Variants in MAGI2 observed in about 807,000 individuals in gnomAD.
MAGI2 encodes the protein membrane associated guanylate kinase, WW and PDZ domain containing 2.
A neutral mutation model predicts 133.3 loss-of-function variants in MAGI2; 35 were observed. The ratio of observed to expected loss-of-function variants is 0.26; its 90% confidence interval spans 0.20 to 0.35. The LOEUF (loss-of-function observed/expected upper bound fraction) is 0.35, where lower values mean the gene tolerates loss of function less well. Ranked by LOEUF, MAGI2 falls within the 10% of genes least tolerant of loss-of-function variation. The probability of loss-of-function intolerance (pLI) is 1.00; values close to 1 mark genes in which losing one functional copy is unlikely to be tolerated. For missense variants in MAGI2, 1,636 were observed against 1,863.4 expected (o/e 0.88, Z 2.25); for synonymous variants, 729 against 710.6 (o/e 1.03, Z -0.41).
At chr7:78,922,497 C>A (rs1799339545) in intron 2 of MAGI2, among the ~76,000 whole-genome samples, 1 of 151,770 alleles carries the variant, frequency 6.6e-6, no homozygotes, top group Non-Finnish European at 1.5e-5. Context: ...CCAATTTCAT[C>A]CATGTCCCTA....
At chr7:79,107,791 T>C (rs1163844141) in intron 1 of MAGI2, among the ~76,000 whole-genome samples, 1 of 152,192 alleles carries the variant, frequency 6.6e-6, no homozygotes, top group East Asian at 1.9e-4. Context: ...TAGTCTTTGA[T>C]TGCTCTTTAA....
intron 1 of MAGI2, among the ~76,000 whole-genome samples, chr7:79,146,826 A>T (rs1224889681): frequency 6.6e-6 from 1 of 152,218 alleles, no homozygotes; most frequent in African/African-American, 2.4e-5. Context: ...GGCTAACACA[A>T]TGGATAATGT....
intron 9 of MAGI2, among the ~76,000 whole-genome samples, chr7:78,296,710 T>C (rs1378060162): frequency 6.6e-6 from 1 of 152,214 alleles, no homozygotes; most frequent in African/African-American, 2.4e-5. Flanking sequence ...GAGTAACTTC[T>C]AGTGGTTTCG....
intron 1 of MAGI2, among the ~76,000 whole-genome samples, chr7:79,432,788 G>A (rs1354645132): frequency 6.6e-6 from 1 of 152,180 alleles, no homozygotes. Context: ...GTGCGATGGT[G>A]ATGATAAAGG....
chr7:78,676,453 A>T (rs1437186421), intron 2 of MAGI2, among the ~76,000 whole-genome samples: 7 of 152,162 alleles, frequency 4.6e-5, no homozygotes, highest in African/African-American at 1.7e-4. Context: ...TTACTCTTTT[A>T]ACCTGAAGAA....
chr7:79,011,872 CCTTCCTTCCTTT>C (rs754098514), intron 1 of MAGI2, among the ~76,000 whole-genome samples: 33 of 94,468 alleles, frequency 3.5e-4, no homozygotes, highest in African/African-American at 1.2e-3. Flanking sequence ...GAAGATCCTT[CCTTCCTTCCTTT>C]CTTCCTTCCT....
At chr7:78,725,372 G>A (rs10243883) in intron 2 of MAGI2, among the ~76,000 whole-genome samples, 11,810 of 152,272 alleles carry the variant, frequency 0.078, 599 homozygotes, top group African/African-American at 0.12. Flanking sequence ...AGGTTTATAT[G>A]TTGTTTCCTT....
intron 6 of MAGI2, among the ~76,000 whole-genome samples, chr7:78,396,566 C>G (rs1796365261): frequency 6.6e-6 from 1 of 152,178 alleles, no homozygotes; most frequent in African/African-American, 2.4e-5. Context: ...TAGCTACCGC[C>G]TTTCCTTCCC....
intron 1 of MAGI2, among the ~76,000 whole-genome samples, chr7:79,368,136 G>A (rs1390564332): frequency 6.6e-6 from 1 of 151,850 alleles, no homozygotes; most frequent in African/African-American, 2.4e-5. Context: ...TAGACCAAAA[G>A]TTTTCCAAAT....
intron 1 of MAGI2, among the ~76,000 whole-genome samples, chr7:79,018,046 GC>G (rs906685272): frequency 6.6e-6 from 1 of 151,938 alleles, no homozygotes; most frequent in African/African-American, 2.4e-5. Flanking sequence ...CCCCAATTTT[GC>G]TAGAGAGGTC....
At chr7:78,862,723 A>C (rs1017216913) in intron 2 of MAGI2, among the ~76,000 whole-genome samples, 4 of 152,196 alleles carry the variant, frequency 2.6e-5, no homozygotes, top group Admixed American at 6.5e-5. Flanking sequence ...TAATCACTTA[A>C]TTTAGGAAAA....
intron 9 of MAGI2, among the ~76,000 whole-genome samples, chr7:78,317,577 C>T (rs539556255): frequency 3.2e-4 from 49 of 152,362 alleles, no homozygotes; most frequent in African/African-American, 5.8e-4. Flanking sequence ...CCGACTTAAA[C>T]GTCTCTGTAT....
At chr7:78,692,091 G>C (rs1817022966) in intron 2 of MAGI2, among the ~76,000 whole-genome samples, 1 of 152,096 alleles carries the variant, frequency 6.6e-6, no homozygotes, top group Non-Finnish European at 1.5e-5. Flanking sequence ...AAAATCAGTG[G>C]TGGTTGGTGA....
intron 20 of MAGI2, among the ~76,000 whole-genome samples, chr7:78,091,960 T>C (rs1008644065): frequency 6.6e-6 from 1 of 152,240 alleles, no homozygotes; most frequent in Non-Finnish European, 1.5e-5. Flanking sequence ...TGAGGATAGC[T>C]GTAAGTGTGA....
At chr7:79,337,954 A>G (rs1278756208) in intron 1 of MAGI2, among the ~76,000 whole-genome samples, 1 of 152,130 alleles carries the variant, frequency 6.6e-6, no homozygotes, top group Non-Finnish European at 1.5e-5. Flanking sequence ...TGACCCGGGA[A>G]TATCTTCCTA....
chr7:78,813,583 A>C lies in MAGI2; in HGVS notation c.419-186344T>G, dbSNP rs536795480. Among the ~76,000 whole-genome samples the C allele has an allele frequency of 2.0e-3, 306 of 152,230 alleles. 1 individual carries two copies. The highest frequency in any genetic ancestry group is 3.9e-3 in the Non-Finnish European group (267 of 68,018). ...GGCGGATCACGAGGTCAGGAGATCGAGACCATCCTGGCTAGCACAGTGAAA... is the reference window on the plus strand; with the variant it reads ...GGCGGATCACGAGGTCAGGAGATCGCGACCATCCTGGCTAGCACAGTGAAA... On this transcript the variant is annotated intron_variant, in intron 2 of 21. Transcript: ENST00000354212.
In MAGI2 at chr7:78,484,243, TCTC is replaced by T. The variant is rs1792732660; in HGVS notation, c.1045+5515_1045+5517del. Reference sequence around the variant, plus strand: ...TACTATTTCAGAAAGGCAACTTCCTTCTCCTGAAAAACATCCTGTTTAATATGT... The same window carrying T: ...TACTATTTCAGAAAGGCAACTTCCTTCTGAAAAACATCCTGTTTAATATGT... On this transcript the variant is annotated intron_variant, in intron 6 of 21. Coordinates refer to ENST00000354212, the MANE Select transcript of MAGI2 (RefSeq NM_012301.4). 3 of 152,076 alleles carry T rather than the reference TCTC, an allele frequency of 2.0e-5. No individual in the cohort carries two copies. The South Asian group carries it at 6.2e-4, about 32-fold the overall frequency. 9.4% of individuals were successfully genotyped at this position (152,076 alleles called of 1,614,324 possible).
At chr7:78,199,692 A>G (rs1829059065) in intron 11 of MAGI2, among the ~76,000 whole-genome samples, 2 of 152,166 alleles carry the variant, frequency 1.3e-5, no homozygotes, top group Admixed American at 1.3e-4. Context: ...ACAGCCTTCT[A>G]CCTTCCTTTG....
In MAGI2 at chr7:78,376,975, A is replaced by G. The variant is rs561567012; in HGVS notation, c.1046-7762T>C. 3.3e-5 allele frequency among the ~76,000 whole-genome samples: 5 copies of G among 152,310 alleles called. No homozygotes were observed. In the East Asian group the frequency reaches 5.8e-4, roughly 18 times the overall value. ...AGAAAGATTTGGGAAGCAACTATAT[A>G]TGGAGGACTTCAAAATATGCATCTC... On this transcript the variant is annotated intron_variant, in intron 6 of 21. Coordinates refer to ENST00000354212, the MANE Select transcript of MAGI2 (RefSeq NM_012301.4).
Sources: gnomAD v4.1 joint callset for allele counts (sites outside exome capture counted in the v4.1 genomes callset) on GRCh38, gnomAD v4.1.1 for gene constraint, MANE v1.5 for transcripts, NCBI Gene and HGNC (gene_info 2026-07-23, HGNC 2026-07-21) for gene names.